The following XRRA1 variants were observed in gnomAD, a reference collection of about 807,000 sequenced individuals.
XRRA1 encodes the protein X-ray radiation resistance-associated protein 1.
A neutral mutation model predicts 80.2 loss-of-function variants in XRRA1; 69 were observed. That is an observed-to-expected ratio of 0.86 (90% CI 0.71 to 1.05). XRRA1 has a LOEUF of 1.05. XRRA1 is among the 50% of genes least tolerant of loss of function. The probability of loss-of-function intolerance (pLI) is 0.00; values close to 1 mark genes in which losing one functional copy is unlikely to be tolerated. For synonymous variants in XRRA1, 348 were observed against 389.9 expected (o/e 0.89, Z 1.27); for missense variants, 967 against 976.4 (o/e 0.99, Z 0.13).
intron 10 of XRRA1, among the ~76,000 whole-genome samples, chr11:74,895,990 A>G (rs1346841286): frequency 6.6e-6 from 1 of 152,230 alleles, no homozygotes; most frequent in Admixed American, 6.5e-5. Flanking sequence ...TGTTGACTAA[A>G]GAGCCCTTCG....
chr11:74,914,206 G>A (rs936697448), intron 8 of XRRA1, among the ~76,000 whole-genome samples: 2 of 152,142 alleles, frequency 1.3e-5, no homozygotes, highest in South Asian at 2.1e-4. Context: ...AGCTGGTCTC[G>A]AACTCCTGAC....
intron 10 of XRRA1, among the ~76,000 whole-genome samples, chr11:74,901,247 C>T (rs1158560894): frequency 2.6e-5 from 4 of 152,056 alleles, no homozygotes; most frequent in South Asian, 4.1e-4. Context: ...AGTAAAAGAT[C>T]TCTACAATAA....
intron 11 of XRRA1, 136 bp from the exon 12 acceptor site, chr11:74,859,419 G>T: frequency 3.1e-6 from 3 of 963,282 alleles, no homozygotes; most frequent in Non-Finnish European, 4.5e-6. Context: ...GACATGTAGG[G>T]TCATAAGGGT....
intron 15 of XRRA1, 89 bp from the exon 16 acceptor site, chr11:74,845,360 T>G: frequency 2.2e-6 from 3 of 1,388,238 alleles, no homozygotes; most frequent in Non-Finnish European, 3.0e-6. Context: ...TGCTGGTCTC[T>G]GCTGGGCCCT....
At chr11:74,880,216 T>G (rs2047174345) in intron 10 of XRRA1, among the ~76,000 whole-genome samples, 1 of 152,364 alleles carries the variant, frequency 6.6e-6, no homozygotes, top group South Asian at 2.1e-4. Context: ...GTCCAGGAAT[T>G]TATCCATTTC....
chr11:74,927,072 A>ATAC (rs1942410774), intron 7 of XRRA1, among the ~76,000 whole-genome samples: 1 of 151,942 alleles, frequency 6.6e-6, no homozygotes, highest in African/African-American at 2.4e-5. Context: ...CCCTCCTTCA[A>ATAC]TACTCTGTTT....
In XRRA1 at chr11:74,907,231, C is replaced by G; in HGVS notation, c.699G>C (p.Leu233=). 6.2e-7 allele frequency: 1 copy of G among 1,613,988 alleles called. No individual in the cohort carries two copies. Among genetic ancestry groups the G allele is most frequent in the Non-Finnish European group, 8.5e-7 (1 of 1,179,874 alleles). Residue 233 remains leucine, a synonymous_variant, in exon 9 of 19, where the codon CTG becomes CTC. Transcript: ENST00000684022. ...TCAGTGTCTCCAGCGCTGGGAACCT[C>G]AGGATGTACCTCTTGCTTGTCAGCG... The part of the protein sequence containing the change: ...VTSLTSKRYI[L]RFPALETLML...
At chr11:74,850,280 G>A (rs2039441980) in intron 14 of XRRA1, among the ~76,000 whole-genome samples, 1 of 152,214 alleles carries the variant, frequency 6.6e-6, no homozygotes, top group Non-Finnish European at 1.5e-5. Flanking sequence ...GTAAAGGAGA[G>A]AGGATTCTGC....
At chr11:74,881,267 C>T (rs969713892) in intron 10 of XRRA1, among the ~76,000 whole-genome samples, 11 of 151,560 alleles carry the variant, frequency 7.3e-5, no homozygotes, top group Middle Eastern at 3.4e-3. Context: ...CTGTTTTATC[C>T]GAGACTAGGA....
chr11:74,850,948 G>GA (rs1314313719), intron 14 of XRRA1, 140 bp downstream of exon 14: 2 of 529,192 alleles, frequency 3.8e-6, no homozygotes, highest in African/African-American at 3.9e-5. Flanking sequence ...CCAAAGCAAG[G>GA]AAAGGAGAAG....
intron 10 of XRRA1, among the ~76,000 whole-genome samples, chr11:74,882,759 G>A (rs1415878254): frequency 1.3e-5 from 2 of 152,182 alleles, no homozygotes; most frequent in East Asian, 1.9e-4. Flanking sequence ...GTCTGTTGGA[G>A]TACCCTGCCG....
chr11:74,898,530 G>C (rs7103489), intron 10 of XRRA1, among the ~76,000 whole-genome samples: 3,212 of 151,848 alleles, frequency 0.021, 109 homozygotes, highest in African/African-American at 0.074. Flanking sequence ...CATCTAAAAA[G>C]ATACACATAG....
At chr11:74,890,066 A>G (rs920824813) in intron 10 of XRRA1, among the ~76,000 whole-genome samples, 3 of 152,250 alleles carry the variant, frequency 2.0e-5, no homozygotes, top group African/African-American at 7.2e-5. Flanking sequence ...AGACATCTAC[A>G]GAACTCTCCA....
At chr11:74,880,227 T>C (rs2047180186) in intron 10 of XRRA1, among the ~76,000 whole-genome samples, 1 of 152,284 alleles carries the variant, frequency 6.6e-6, no homozygotes. Context: ...TATCCATTTC[T>C]TCTAGATTTT....
intron 8 of XRRA1, among the ~76,000 whole-genome samples, chr11:74,915,538 G>A (rs1399739108): frequency 6.6e-6 from 1 of 152,116 alleles, no homozygotes; most frequent in African/African-American, 2.4e-5. Context: ...GGCCACTGCT[G>A]AACCCCTAAT....
intron 10 of XRRA1, among the ~76,000 whole-genome samples, chr11:74,874,221 A>G (rs1316129878): frequency 1.5e-5 from 2 of 131,230 alleles, no homozygotes; most frequent in East Asian, 2.5e-4. Flanking sequence ...GGGTGACAGC[A>G]AGACTCCGTC....
chr11:74,934,083 A>G lies in XRRA1; in HGVS notation c.280-211T>C, dbSNP rs550791573. Reference sequence around the variant, plus strand: ...TTGGGCCATACGCTTTGCTGAATACATTAACAAACTTTCTTCTAATCCTAA... The same window carrying G: ...TTGGGCCATACGCTTTGCTGAATACGTTAACAAACTTTCTTCTAATCCTAA... On this transcript the variant is annotated intron_variant, in intron 4 of 18. Coordinates refer to ENST00000684022, the MANE Select transcript of XRRA1 (RefSeq NM_001378157.1). 1.3e-4 allele frequency among the ~76,000 whole-genome samples: 20 copies of G among 152,344 alleles called. No homozygotes were observed. The South Asian group carries it at 3.1e-3, about 24-fold the overall frequency.
intron 10 of XRRA1, among the ~76,000 whole-genome samples, chr11:74,902,575 C>A (rs947774501): frequency 2.0e-5 from 3 of 152,158 alleles, no homozygotes; most frequent in African/African-American, 4.8e-5. Context: ...CAATGGAGTA[C>A]TATTCGGCCA....
Position 74,889,889 on chromosome 11 carries a change from A to C in XRRA1, c.1003+16350T>G, listed in dbSNP as rs184509824. 4.2e-3 allele frequency among the ~76,000 whole-genome samples: 641 copies of C among 152,358 alleles called. 4 individuals are homozygous for C. The highest frequency in any genetic ancestry group is 0.015 in the African/African-American group (612 of 41,580). On this transcript the variant is annotated intron_variant, in intron 10 of 18. Coordinates refer to ENST00000684022, the MANE Select transcript of XRRA1 (RefSeq NM_001378157.1). ...ATATGCACCCAATACAGGAGCACCC[A>C]GATTCATAAAGCAAGTGCTTAGAGA...
Sources: allele counts gnomAD v4.1 joint callset (sites outside exome capture counted in the v4.1 genomes callset), GRCh38; gene constraint gnomAD v4.1.1; transcripts MANE v1.5; gene names NCBI Gene and HGNC (gene_info 2026-07-23, HGNC 2026-07-21).